DLGAP1: variants seen among roughly 807,000 people sequenced by gnomAD.
DLGAP1 encodes DLG associated protein 1, also known as disks large-associated protein 1.
DLGAP1 carries 11 observed loss-of-function variants against 90.8 expected under a neutral mutation model. The observed-to-expected ratio is 0.12, with a 90% CI of 0.08 to 0.20. The LOEUF is 0.20. DLGAP1 is among the 10% of genes least tolerant of loss of function. The pLI, the probability that DLGAP1 is intolerant of heterozygous loss-of-function variation, is 1.00. For synonymous variants in DLGAP1, 558 were observed against 540.7 expected, an observed-to-expected ratio of 1.03 and a Z score of -0.44; for missense variants, 1,050 against 1,333.8, an observed-to-expected ratio of 0.79 and a Z score of 3.31.
chr18:4,118,358 G>T (rs552528842), intron 2 of DLGAP1, among the ~76,000 whole-genome samples: 3 of 152,028 alleles, frequency 2.0e-5, no homozygotes, highest in African/African-American at 7.2e-5. Context: ...ATCCTGCTCC[G>T]CCAGCAGGTA....
intron 1 of DLGAP1, among the ~76,000 whole-genome samples, chr18:4,380,059 C>T (rs989542728): frequency 2.0e-5 from 3 of 152,116 alleles, no homozygotes; most frequent in African/African-American, 7.2e-5. Flanking sequence ...ATGTGTTGTA[C>T]TCCTTACACA....
At chr18:3,839,560 C>A (rs956228891) in intron 4 of DLGAP1, among the ~76,000 whole-genome samples, 1 of 152,282 alleles carries the variant, frequency 6.6e-6, no homozygotes, top group African/African-American at 2.4e-5. Context: ...AACATGAGCA[C>A]ATAAACAGGC....
At chr18:4,039,693 A>G (rs1384538200) in intron 2 of DLGAP1, among the ~76,000 whole-genome samples, 1 of 152,226 alleles carries the variant, frequency 6.6e-6, no homozygotes, top group East Asian at 1.9e-4. Flanking sequence ...TGACTCTTCA[A>G]ATATAAAATG....
chr18:3,585,807 C>A (rs2055844581), intron 7 of DLGAP1, among the ~76,000 whole-genome samples: 2 of 152,036 alleles, frequency 1.3e-5, no homozygotes, highest in Admixed American at 1.3e-4. Flanking sequence ...ACCAAACAGT[C>A]CCCCTCCAAA....
chr18:3,970,476 T>C (rs2149003042), intron 3 of DLGAP1, among the ~76,000 whole-genome samples: 1 of 152,232 alleles, frequency 6.6e-6, no homozygotes, highest in East Asian at 1.9e-4. Context: ...AAATACACTG[T>C]CAAAAGCGAT....
chr18:4,223,605 C>G (rs2078124292), intron 1 of DLGAP1, among the ~76,000 whole-genome samples: 1 of 152,116 alleles, frequency 6.6e-6, no homozygotes, highest in African/African-American at 2.4e-5. Flanking sequence ...TTTAATAAAT[C>G]TCAAGATTAT....
Position 3,865,241 on chromosome 18 carries a change from C to T in DLGAP1, c.957+13871G>A, listed in dbSNP as rs143906897. On this transcript the variant is annotated intron_variant, in intron 4 of 12. Transcript: ENST00000315677. ...AATGGGCAGACAGTGCATATTTGTCCGTAAGAACCTTACAGTGTTATTAAC... is the reference window on the plus strand; with the variant it reads ...AATGGGCAGACAGTGCATATTTGTCTGTAAGAACCTTACAGTGTTATTAAC... 1.2e-3 allele frequency among the ~76,000 whole-genome samples: 180 copies of T among 152,202 alleles called. 5 individuals are homozygous for T. The East Asian group carries it at 0.029, about 24-fold the overall frequency.
chr18:3,949,960 G>C (rs118140659), intron 3 of DLGAP1, among the ~76,000 whole-genome samples: 1 of 152,142 alleles, frequency 6.6e-6, no homozygotes, highest in Non-Finnish European at 1.5e-5. Flanking sequence ...CAGATGGTAG[G>C]TGCTAGGAAA....
Position 3,600,702 on chromosome 18 carries a change from C to A in DLGAP1, c.1592-18454G>T, listed in dbSNP as rs79621224. 7.3e-3 allele frequency among the ~76,000 whole-genome samples: 604 copies of A among 82,666 alleles called. 79 individuals are homozygous for A. Among genetic ancestry groups the A allele is most frequent in the African/African-American group, 0.041 (409 of 10,042 alleles). The allele number at this position is 82,666 out of a possible 152,430, so 54.2% of individuals were successfully genotyped here. A position where few individuals can be genotyped will look rare whatever the true frequency, so the allele number is the denominator to read the frequency against. On this transcript the variant is annotated intron_variant, in intron 7 of 12. Coordinates refer to ENST00000315677, the MANE Select transcript of DLGAP1 (RefSeq NM_004746.4). The stretch of plus-strand genomic sequence containing the variant: ...TATCTATAGAGATCTATATAGATAT[C>A]TATAGCTATATAGATATAGAGATAT...
intron 8 of DLGAP1, 54 bp downstream of exon 8, chr18:3,581,821 T>C (rs2055539231): frequency 5.0e-6 from 8 of 1,589,972 alleles, no homozygotes; most frequent in Middle Eastern, 1.8e-4. Context: ...CAAAAAGTGT[T>C]ACATTCCTTA....
intron 1 of DLGAP1, among the ~76,000 whole-genome samples, chr18:4,322,105 C>T (rs1448663603): frequency 6.6e-6 from 1 of 151,874 alleles, no homozygotes; most frequent in Non-Finnish European, 1.5e-5. Flanking sequence ...GAGGCTGAGG[C>T]ATGAGAATGG....
At chr18:4,239,954 T>C (rs76689208) in intron 1 of DLGAP1, among the ~76,000 whole-genome samples, 338 of 152,322 alleles carry the variant, frequency 2.2e-3, no homozygotes, top group African/African-American at 7.9e-3. Context: ...TTATCCTCCT[T>C]TTCCATGCCC....
At chr18:4,073,336 C>A (rs1431728181) in intron 2 of DLGAP1, among the ~76,000 whole-genome samples, 1 of 152,166 alleles carries the variant, frequency 6.6e-6, no homozygotes, top group East Asian at 1.9e-4. Flanking sequence ...CAAGCCCTAG[C>A]ACACACAGCT....
At chr18:3,616,468 G>C (rs2057871583) in intron 7 of DLGAP1, among the ~76,000 whole-genome samples, 1 of 152,096 alleles carries the variant, frequency 6.6e-6, no homozygotes, top group Admixed American at 6.6e-5. Context: ...GTAGAGTCTA[G>C]GCCAGGTGCA....
chr18:3,756,055 A>AT (rs561278903), intron 5 of DLGAP1, among the ~76,000 whole-genome samples: 42 of 147,388 alleles, frequency 2.8e-4, no homozygotes, highest in Admixed American at 6.8e-4. Context: ...ACTAAACATT[A>AT]TTTTTTTTTT....
intron 2 of DLGAP1, among the ~76,000 whole-genome samples, chr18:4,029,866 A>T (rs1218288517): frequency 6.6e-6 from 1 of 151,668 alleles, no homozygotes; most frequent in Non-Finnish European, 1.5e-5. Flanking sequence ...TAACTTGGCA[A>T]CCTCCTTCCA....
intron 2 of DLGAP1, among the ~76,000 whole-genome samples, chr18:4,046,011 A>C (rs2075049314): frequency 1.3e-5 from 2 of 152,182 alleles, no homozygotes; most frequent in African/African-American, 2.4e-5. Flanking sequence ...TAAGGACCTC[A>C]TAAGAGCCAA....
intron 1 of DLGAP1, among the ~76,000 whole-genome samples, chr18:4,404,147 G>T (rs1275051600): frequency 6.6e-6 from 1 of 152,154 alleles, no homozygotes; most frequent in East Asian, 1.9e-4. Context: ...TGATAAAAAT[G>T]TTCCTTATCC....
chr18:4,106,063 G>A (rs1033696470), intron 2 of DLGAP1, among the ~76,000 whole-genome samples: 1 of 140,770 alleles, frequency 7.1e-6, no homozygotes, highest in African/African-American at 2.6e-5. Context: ...AAAAAAAGTT[G>A]CAATTAAACT....
Sources: allele counts gnomAD v4.1 joint callset (sites outside exome capture counted in the v4.1 genomes callset), GRCh38; gene constraint gnomAD v4.1.1; transcripts MANE v1.5; gene names NCBI Gene and HGNC (gene_info 2026-07-23, HGNC 2026-07-21).